The following JARID2 variants were observed in gnomAD, a reference collection of about 807,000 sequenced individuals.
The protein encoded by JARID2 is protein Jumonji.
JARID2 carries 21 observed loss-of-function variants against 125.6 expected under a neutral mutation model. The ratio of observed to expected loss-of-function variants is 0.17; its 90% CI spans 0.12 to 0.24. JARID2 has a LOEUF of 0.24. JARID2 is among the 10% of genes least tolerant of loss of function. JARID2 has a pLI of 1.00. For missense variants in JARID2, 1,303 were observed against 1,639.6 expected (o/e 0.79, Z 3.55); for synonymous variants, 736 against 661.6 (o/e 1.11, Z -1.73).
At chr6:15,496,108 A>G (rs1051624143) in intron 6 of JARID2, 24 bp from the exon 7 acceptor site, 6 of 1,569,750 alleles carry the variant, frequency 3.8e-6, no homozygotes, top group Admixed American at 1.8e-5. Flanking sequence ...GTTTTTTTCC[A>G]CCTCTGCTTC....
At chr6:15,430,191 G>A (rs558221466) in intron 3 of JARID2, among the ~76,000 whole-genome samples, 4 of 152,238 alleles carry the variant, frequency 2.6e-5, no homozygotes, top group South Asian at 2.1e-4. Context: ...TATATCTGAC[G>A]TTCTTGCTAA....
chr6:15,335,740 A>T (rs1243426875), intron 1 of JARID2, among the ~76,000 whole-genome samples: 2 of 151,930 alleles, frequency 1.3e-5, no homozygotes, highest in African/African-American at 4.8e-5. Context: ...AAGCATTCCT[A>T]TGTGCTGCTC....
intron 3 of JARID2, among the ~76,000 whole-genome samples, chr6:15,412,754 C>T (rs1765935528): frequency 6.6e-6 from 1 of 152,158 alleles, no homozygotes; most frequent in African/African-American, 2.4e-5. Context: ...GACTTGGGAC[C>T]TGAATTTCCA....
At chr6:15,351,996 G>A (rs192361700) in intron 1 of JARID2, among the ~76,000 whole-genome samples, 13 of 152,230 alleles carry the variant, frequency 8.5e-5, no homozygotes, top group Admixed American at 8.5e-4. Flanking sequence ...TCACTGCGCC[G>A]AATCTGAGGC....
At position 15,401,009 on chromosome 6, in the gene JARID2, G is replaced by A. The variant is rs918536249; in HGVS notation, c.182-9215G>A. The A allele has an allele frequency of 3.1e-5, 40 of 1,289,226 alleles. No individual in the cohort carries two copies. In the Admixed American group the frequency reaches 9.0e-4, roughly 29 times the overall value. The allele number at this position is 1,289,226 out of a possible 1,614,324, so 79.9% of individuals were successfully genotyped here. On this transcript the variant is annotated intron_variant, in intron 2 of 17. Coordinates refer to ENST00000341776, the MANE Select transcript of JARID2 (RefSeq NM_004973.4). ...TTGGTGGCTTATCTTGAGGAACCTG[G>A]GATAGAAGGTCTGTTCCTATAAATA... is the stretch of plus-strand genomic sequence containing the variant.
chr6:15,511,534 A>G, intron 13 of JARID2, 133 bp downstream of exon 13: 1 of 660,576 alleles, frequency 1.5e-6, no homozygotes, highest in Non-Finnish European at 2.7e-6. Flanking sequence ...GCAAAGGGAA[A>G]GGTCCTCTGA....
At chr6:15,267,923 C>T (rs1419799343) in intron 1 of JARID2, among the ~76,000 whole-genome samples, 1 of 152,054 alleles carries the variant, frequency 6.6e-6, no homozygotes, top group Non-Finnish European at 1.5e-5. Context: ...ACATCAGCAG[C>T]CCCCGAGGAT....
chr6:15,286,873 A>G (rs1364856347), intron 1 of JARID2, among the ~76,000 whole-genome samples: 2 of 151,408 alleles, frequency 1.3e-5, no homozygotes, highest in Non-Finnish European at 2.9e-5. Context: ...AAAAAAAAAA[A>G]AGCGCCTCTT....
intron 1 of JARID2, among the ~76,000 whole-genome samples, chr6:15,341,721 T>A (rs2127469319): frequency 6.6e-6 from 1 of 152,324 alleles, no homozygotes; most frequent in Non-Finnish European, 1.5e-5. Flanking sequence ...GAGAAATCGA[T>A]GAAAGGCAGA....
At chr6:15,285,633 C>T (rs1561770250) in intron 1 of JARID2, among the ~76,000 whole-genome samples, 2 of 152,088 alleles carry the variant, frequency 1.3e-5, no homozygotes, top group African/African-American at 2.4e-5. Flanking sequence ...CATGCGTGGA[C>T]TTTGAAATTG....
chr6:15,455,030 A>G (rs1002213017), intron 4 of JARID2, among the ~76,000 whole-genome samples: 5 of 152,104 alleles, frequency 3.3e-5, no homozygotes, highest in African/African-American at 1.2e-4. Flanking sequence ...GATCAGCAGC[A>G]ATGTGATTCA....
At chr6:15,482,945 ACAT>A (rs1561893959) in intron 5 of JARID2, among the ~76,000 whole-genome samples, 6 of 152,232 alleles carry the variant, frequency 3.9e-5, no homozygotes, top group African/African-American at 1.4e-4. Context: ...GAACAAGGGT[ACAT>A]CATCAAAGAA....
At chr6:15,436,988 T>C (rs1767233533) in intron 3 of JARID2, among the ~76,000 whole-genome samples, 1 of 152,052 alleles carries the variant, frequency 6.6e-6, no homozygotes, top group African/African-American at 2.4e-5. Flanking sequence ...CCTCCCAGCA[T>C]ATCCAGGTCC....
At chr6:15,284,203 ACTCTCC>A (rs1760904554) in intron 1 of JARID2, among the ~76,000 whole-genome samples, 1 of 151,826 alleles carries the variant, frequency 6.6e-6, no homozygotes, top group African/African-American at 2.4e-5. Context: ...TCCAGCTTGC[ACTCTCC>A]CATCACCCTA....
At position 15,501,553 on chromosome 6, in the gene JARID2, C is replaced by T. The variant is rs77107179; in HGVS notation, c.2448+144C>T. The T allele has an allele frequency of 4.9e-3, 3,437 of 701,132 alleles. 88 individuals carry two copies. The African/African-American group carries it at 0.052, about 11-fold the overall frequency. The allele number at this position is 701,132 out of a possible 1,614,324, so 43.4% of individuals were successfully genotyped here. A position where few individuals can be genotyped will look rare whatever the true frequency, so the allele number is the denominator to read the frequency against. On this transcript the variant is annotated intron_variant, in intron 8 of 17. Transcript: ENST00000341776. ...GGCGGGCCACTGTGCTGGGTGATAG[C>T]GCTGTATTAGTCCTCTCGTGTTGCT... is the stretch of plus-strand genomic sequence containing the variant.
At chr6:15,448,811 C>G (rs553360367) in intron 3 of JARID2, among the ~76,000 whole-genome samples, 14 of 152,188 alleles carry the variant, frequency 9.2e-5, no homozygotes, top group African/African-American at 3.4e-4. Flanking sequence ...CTGGCCATCA[C>G]CAGGTGCCTG....
At chr6:15,352,969 G>A (rs1446682150) in intron 1 of JARID2, among the ~76,000 whole-genome samples, 1 of 152,144 alleles carries the variant, frequency 6.6e-6, no homozygotes, top group African/African-American at 2.4e-5. Flanking sequence ...CACTTGGCTG[G>A]GTGGTTTCCA....
At chr6:15,355,817 G>T (rs1763580174) in intron 1 of JARID2, among the ~76,000 whole-genome samples, 2 of 152,184 alleles carry the variant, frequency 1.3e-5, no homozygotes, top group South Asian at 4.1e-4. Context: ...TGCCATGTTG[G>T]CCAGGCTGGT....
intron 1 of JARID2, among the ~76,000 whole-genome samples, chr6:15,340,148 C>T (rs1763019901): frequency 6.6e-6 from 1 of 152,118 alleles, no homozygotes; most frequent in African/African-American, 2.4e-5. Flanking sequence ...TTGTCCACTG[C>T]ACCCGGCCTC....
Sources: gnomAD v4.1 joint callset for allele counts (sites outside exome capture counted in the v4.1 genomes callset) on GRCh38, gnomAD v4.1.1 for gene constraint, MANE v1.5 for transcripts, NCBI Gene and HGNC (gene_info 2026-07-23, HGNC 2026-07-21) for gene names.